Variants in UGGT2 observed in about 807,000 individuals in gnomAD.
UGGT2 encodes UDP-glucose glycoprotein glucosyltransferase 2.
Under a neutral mutation model 192.1 loss-of-function variants are expected in UGGT2, and 180 were observed. The ratio of observed to expected loss-of-function variants is 0.94; its 90% CI spans 0.83 to 1.06. The LOEUF (loss-of-function observed/expected upper bound fraction) is 1.06, where lower values mean the gene tolerates loss of function less well. UGGT2 is among the 50% of genes least tolerant of loss of function. The pLI, the probability that UGGT2 is intolerant of heterozygous loss-of-function variation, is 0.00. For missense variants in UGGT2, 1,849 were observed against 1,795.7 expected, an observed-to-expected ratio of 1.03 and a Z score of -0.54; for synonymous variants, 580 against 591.0, an observed-to-expected ratio of 0.98 and a Z score of 0.27.
At chr13:95,855,224 T>A (rs886655667) in intron 34 of UGGT2, among the ~76,000 whole-genome samples, 1 of 151,156 alleles carries the variant, frequency 6.6e-6, no homozygotes, top group Non-Finnish European at 1.5e-5. Flanking sequence ...AGTCTGAGGC[T>A]ACAGTAAGCT....
intron 12 of UGGT2, among the ~76,000 whole-genome samples, chr13:95,960,376 C>T (rs1594442838): frequency 6.6e-6 from 1 of 152,070 alleles, no homozygotes; most frequent in African/African-American, 2.4e-5. Flanking sequence ...GAGAAATTTA[C>T]CAGAACCAAA....
At chr13:95,832,891 G>C (rs770234170) in intron 38 of UGGT2, 36 bp downstream of exon 38, 1 of 1,605,356 alleles carries the variant, frequency 6.2e-7, no homozygotes, top group Non-Finnish European at 8.5e-7. Context: ...TTAATGCAAC[G>C]CATGTTTCAG....
At chr13:95,920,584 G>T (rs2140398930) in intron 20 of UGGT2, among the ~76,000 whole-genome samples, 1 of 152,060 alleles carries the variant, frequency 6.6e-6, no homozygotes, top group Non-Finnish European at 1.5e-5. Flanking sequence ...AAAATATGGG[G>T]AAAAAAGCTC....
intron 38 of UGGT2, among the ~76,000 whole-genome samples, chr13:95,820,606 A>T (rs1355603027): frequency 1.3e-5 from 2 of 152,176 alleles, no homozygotes; most frequent in Non-Finnish European, 2.9e-5. Flanking sequence ...ATTCTTTTTT[A>T]AAATTTTTAT....
chr13:96,010,116 C>T (rs982787951), intron 5 of UGGT2, among the ~76,000 whole-genome samples: 1 of 152,104 alleles, frequency 6.6e-6, no homozygotes, highest in African/African-American at 2.4e-5. Context: ...TACCATTTGA[C>T]CCAGCAATCC....
chr13:95,924,216 C>T (rs56190982), intron 20 of UGGT2, among the ~76,000 whole-genome samples: 1 of 151,942 alleles, frequency 6.6e-6, no homozygotes, highest in Non-Finnish European at 1.5e-5. Context: ...GATAGCACTT[C>T]TGAAAGTTAT....
chr13:95,968,261 A>C (rs2050652967), intron 12 of UGGT2, among the ~76,000 whole-genome samples: 1 of 152,196 alleles, frequency 6.6e-6, no homozygotes, highest in African/African-American at 2.4e-5. Context: ...AAAAAATGAA[A>C]AAATTTCTAC....
intron 29 of UGGT2, among the ~76,000 whole-genome samples, chr13:95,875,810 A>T (rs1221930935): frequency 6.6e-6 from 1 of 152,200 alleles, no homozygotes; most frequent in Non-Finnish European, 1.5e-5. Context: ...GGCACAGTAT[A>T]AAGGGGAAAG....
intron 5 of UGGT2, among the ~76,000 whole-genome samples, chr13:96,001,150 C>T (rs1246482367): frequency 1.3e-5 from 2 of 152,178 alleles, no homozygotes; most frequent in East Asian, 1.9e-4. Flanking sequence ...GTGACTTGCA[C>T]GTATATGCCC....
intron 29 of UGGT2, among the ~76,000 whole-genome samples, chr13:95,870,404 C>A (rs1443366042): frequency 6.6e-6 from 1 of 152,240 alleles, no homozygotes; most frequent in Non-Finnish European, 1.5e-5. Flanking sequence ...TAGAAGTGAG[C>A]GGGGCAATGT....
rs372339171 is a variant in UGGT2, at chr13:95,927,179, T to C, written c.2101+34A>G. ...TATAAATAAAGAATTCACAACTCAA[T>C]AAACATTTGTAGAACAGTATAGGAT... On this transcript the variant is annotated intron_variant, in intron 18 of 38. Transcript: ENST00000376747. The C allele has an allele frequency of 2.5e-6, 4 of 1,607,944 alleles. No individual in the cohort carries two copies. In the East Asian group the frequency reaches 8.9e-5, roughly 36 times the overall value.
intron 5 of UGGT2, among the ~76,000 whole-genome samples, chr13:96,008,804 C>A (rs1333683636): frequency 6.6e-6 from 1 of 152,176 alleles, no homozygotes; most frequent in African/African-American, 2.4e-5. Context: ...AGCCACACTG[C>A]CAAAACAATT....
chr13:95,948,828 A>G (rs761761886), intron 13 of UGGT2, among the ~76,000 whole-genome samples: 1 of 152,144 alleles, frequency 6.6e-6, no homozygotes, highest in Non-Finnish European at 1.5e-5. Context: ...GCCCACTCAA[A>G]TCTCATCTTC....
At chr13:95,938,867 C>G (rs2049559920) in intron 16 of UGGT2, among the ~76,000 whole-genome samples, 1 of 152,082 alleles carries the variant, frequency 6.6e-6, no homozygotes, top group Non-Finnish European at 1.5e-5. Context: ...CTTCCAAAAG[C>G]CTACTAGTCC....
At chr13:95,903,876 T>C (rs368867485) in intron 20 of UGGT2, among the ~76,000 whole-genome samples, 16 of 152,334 alleles carry the variant, frequency 1.1e-4, no homozygotes, top group African/African-American at 3.1e-4. Flanking sequence ...ACACTTTGTA[T>C]TGTCAGATTT....
intron 34 of UGGT2, 44 bp from the exon 35 acceptor site, chr13:95,854,519 C>G: frequency 1.3e-6 from 2 of 1,487,464 alleles, no homozygotes; most frequent in Non-Finnish European, 9.0e-7. Context: ...TGTAAAATAA[C>G]ATAAGCCCTT....
intron 38 of UGGT2, among the ~76,000 whole-genome samples, chr13:95,832,441 T>G (rs980550957): frequency 7.9e-5 from 12 of 152,094 alleles, no homozygotes; most frequent in African/African-American, 2.9e-4. Flanking sequence ...TTGAAGCAAA[T>G]CTAATCCAAG....
At chr13:95,946,279 C>T (rs1260536313) in intron 15 of UGGT2, among the ~76,000 whole-genome samples, 1 of 152,190 alleles carries the variant, frequency 6.6e-6, no homozygotes, top group African/African-American at 2.4e-5. Flanking sequence ...CTCTTTCACA[C>T]AGTTTGCTGT....
At chr13:95,847,404 C>T (rs914493633) in intron 36 of UGGT2, among the ~76,000 whole-genome samples, 8 of 152,192 alleles carry the variant, frequency 5.3e-5, no homozygotes, top group Non-Finnish European at 8.8e-5. Context: ...GTATCTACCA[C>T]TACATATTTT....
Sources: gnomAD v4.1 joint callset for allele counts (sites outside exome capture counted in the v4.1 genomes callset) on GRCh38, gnomAD v4.1.1 for gene constraint, MANE v1.5 for transcripts, NCBI Gene and HGNC (gene_info 2026-07-23, HGNC 2026-07-21) for gene names.